The following ADAMTS17 variants were observed in gnomAD, a reference collection of about 807,000 sequenced individuals.
ADAMTS17 encodes ADAM metallopeptidase with thrombospondin type 1 motif 17, also known as A disintegrin and metalloproteinase with thrombospondin motifs 17.
ADAMTS17 carries 113 observed loss-of-function variants against 141.5 expected under a neutral mutation model. The observed-to-expected ratio is 0.80, with a 90% CI of 0.69 to 0.93. The LOEUF is 0.93. Among genes scored for constraint, ADAMTS17 ranks in the 40% least tolerant of loss-of-function variants. The pLI, the probability that ADAMTS17 is intolerant of heterozygous loss-of-function variation, is 0.00. For synonymous variants in ADAMTS17, 768 were observed against 630.6 expected, an observed-to-expected ratio of 1.22 and a Z score of -3.27; for missense variants, 1,659 against 1,517.9, an observed-to-expected ratio of 1.09 and a Z score of -1.54.
chr15:100,004,155 C>T (rs778025230), intron 18 of ADAMTS17, among the ~76,000 whole-genome samples: 17 of 152,196 alleles, frequency 1.1e-4, no homozygotes, highest in Admixed American at 5.2e-4. Context: ...GCGCTGTGCC[C>T]GGGGTGCACA....
At chr15:100,302,804 TTTGAATCAGTGGG>T (rs2045088042) in intron 3 of ADAMTS17, among the ~76,000 whole-genome samples, 1 of 152,140 alleles carries the variant, frequency 6.6e-6, no homozygotes, top group African/African-American at 2.4e-5. Context: ...GACATTCACA[TTTGAATCAGTGGG>T]CTGCGAAAGG....
At chr15:100,059,350 C>G (rs951253037) in intron 15 of ADAMTS17, among the ~76,000 whole-genome samples, 3 of 151,988 alleles carry the variant, frequency 2.0e-5, no homozygotes, top group African/African-American at 7.3e-5. Context: ...GCCTGCACGC[C>G]TCTCCTCGGG....
chr15:100,116,152 A>AAAAAAAAAAAC (rs2037114245), intron 13 of ADAMTS17, among the ~76,000 whole-genome samples: 1 of 151,138 alleles, frequency 6.6e-6, no homozygotes, highest in African/African-American at 2.4e-5. Flanking sequence ...AAAAAAAAAA[A>AAAAAAAAAAAC]AAAAAACCCA....
At chr15:100,294,595 C>G (rs746712) in intron 3 of ADAMTS17, among the ~76,000 whole-genome samples, 1 of 151,564 alleles carries the variant, frequency 6.6e-6, no homozygotes, top group African/African-American at 2.4e-5. Flanking sequence ...GTAGTCCCGG[C>G]GACTCAGGAG....
chr15:100,300,058 T>C (rs1211131581), intron 3 of ADAMTS17, among the ~76,000 whole-genome samples: 2 of 152,174 alleles, frequency 1.3e-5, no homozygotes, highest in Non-Finnish European at 2.9e-5. Flanking sequence ...TCAGTCCTCT[T>C]TTCAGAGGAT....
chr15:100,157,249 G>C (rs112752006), intron 8 of ADAMTS17, among the ~76,000 whole-genome samples: 1,683 of 152,264 alleles, frequency 0.011, 37 homozygotes, highest in East Asian at 0.083. Flanking sequence ...TGGGGACACA[G>C]CCAAACCATA....
At chr15:100,157,147 A>G (rs745345119) in intron 8 of ADAMTS17, among the ~76,000 whole-genome samples, 1 of 152,160 alleles carries the variant, frequency 6.6e-6, no homozygotes, top group Non-Finnish European at 1.5e-5. Flanking sequence ...TGTCACAAGA[A>G]CAGGACAGAG....
intron 20 of ADAMTS17, among the ~76,000 whole-genome samples, chr15:99,982,330 A>G (rs2060496474): frequency 6.6e-6 from 1 of 152,180 alleles, no homozygotes; most frequent in Non-Finnish European, 1.5e-5. Flanking sequence ...CAGGCCCTCC[A>G]CAGGCAGGTG....
chr15:100,292,595 T>A (rs1051973121), intron 3 of ADAMTS17, among the ~76,000 whole-genome samples: 2 of 152,162 alleles, frequency 1.3e-5, no homozygotes, highest in Admixed American at 1.3e-4. Context: ...TAACCCCGTG[T>A]GAAATTATGA....
chr15:100,092,179 G>T (rs1056449536), intron 15 of ADAMTS17, among the ~76,000 whole-genome samples: 1 of 152,248 alleles, frequency 6.6e-6, no homozygotes, highest in East Asian at 1.9e-4. Context: ...CCCCCAGCAG[G>T]CTAGGGTACG....
At chr15:100,306,352 G>A in intron 3 of ADAMTS17, 2 of 394,904 alleles carry the variant, frequency 5.1e-6, no homozygotes, top group Non-Finnish European at 1.0e-5. Flanking sequence ...AGCTCCTGCT[G>A]GGCTTGCGGG....
chr15:100,105,819 C>G (rs1233294821), intron 14 of ADAMTS17, among the ~76,000 whole-genome samples: 1 of 152,054 alleles, frequency 6.6e-6, no homozygotes, highest in Non-Finnish European at 1.5e-5. Flanking sequence ...TCCTGAGTAG[C>G]TGGGATTACA....
intron 20 of ADAMTS17, among the ~76,000 whole-genome samples, chr15:99,978,167 T>C (rs2060405042): frequency 6.6e-6 from 1 of 151,988 alleles, no homozygotes; most frequent in Admixed American, 6.6e-5. Flanking sequence ...TCATGCGGAG[T>C]CTCCAGACAC....
At chr15:100,025,418 T>C (rs1414510419) in intron 18 of ADAMTS17, among the ~76,000 whole-genome samples, 1 of 150,624 alleles carries the variant, frequency 6.6e-6, no homozygotes, top group Non-Finnish European at 1.5e-5. Flanking sequence ...TCTTTTCTTT[T>C]TTTTTTTTTT....
At chr15:100,300,634 G>C (rs1268026174) in intron 3 of ADAMTS17, among the ~76,000 whole-genome samples, 1 of 152,204 alleles carries the variant, frequency 6.6e-6, no homozygotes, top group African/African-American at 2.4e-5. Context: ...TTCCTTGTTA[G>C]GCAACTCACA....
intron 3 of ADAMTS17, among the ~76,000 whole-genome samples, chr15:100,293,211 G>A (rs182470528): frequency 7.2e-5 from 11 of 152,102 alleles, no homozygotes; most frequent in Admixed American, 3.9e-4. Flanking sequence ...GGATGGGAGT[G>A]GGGGGAACAG....
At chr15:100,288,913 A>G (rs926929555) in intron 3 of ADAMTS17, among the ~76,000 whole-genome samples, 1 of 152,228 alleles carries the variant, frequency 6.6e-6, no homozygotes, top group Non-Finnish European at 1.5e-5. Flanking sequence ...AAGATATGAA[A>G]TTAATGATCT....
intron 3 of ADAMTS17, among the ~76,000 whole-genome samples, chr15:100,315,445 T>C (rs2045535049): frequency 6.6e-6 from 1 of 152,124 alleles, no homozygotes; most frequent in Admixed American, 6.5e-5. Flanking sequence ...GGATCTCCAG[T>C]GCTCAGAACA....
intron 8 of ADAMTS17, among the ~76,000 whole-genome samples, chr15:100,175,348 C>T (rs1420371145): frequency 1.3e-5 from 2 of 152,158 alleles, no homozygotes; most frequent in Non-Finnish European, 2.9e-5. Flanking sequence ...CTTGGTCACC[C>T]GGCATGGCCT....
Sources: allele counts gnomAD v4.1 joint callset (sites outside exome capture counted in the v4.1 genomes callset), GRCh38; gene constraint gnomAD v4.1.1; transcripts MANE v1.5; gene names NCBI Gene and HGNC (gene_info 2026-07-23, HGNC 2026-07-21).